The following OSBP2 variants were observed in gnomAD, a reference collection of about 807,000 sequenced individuals.
The protein encoded by OSBP2 is oxysterol-binding protein 2.
Under a neutral mutation model 96.0 loss-of-function variants are expected in OSBP2, and 66 were observed. The ratio of observed to expected loss-of-function variants is 0.69; its 90% CI spans 0.56 to 0.84. The LOEUF (loss-of-function observed/expected upper bound fraction) is 0.84, where lower values mean the gene tolerates loss of function less well. Ranked by LOEUF, OSBP2 falls within the 40% of genes least tolerant of loss-of-function variation. The pLI is 0.00. For synonymous variants in OSBP2, 525 were observed against 520.9 expected (o/e 1.01, Z -0.11); for missense variants, 1,038 against 1,222.7 (o/e 0.85, Z 2.25).
At chr22:30,699,966 CTT>C (rs1015256785) in intron 1 of OSBP2, among the ~76,000 whole-genome samples, 18 of 140,986 alleles carry the variant, frequency 1.3e-4, no homozygotes, top group Admixed American at 2.1e-4. Flanking sequence ...TTCTTTTTTT[CTT>C]TTTTTTTTTT....
At chr22:30,722,737 C>T (rs556470953) in intron 1 of OSBP2, among the ~76,000 whole-genome samples, 1 of 144,364 alleles carries the variant, frequency 6.9e-6, no homozygotes, top group East Asian at 2.0e-4. Flanking sequence ...CTTTCTCCTT[C>T]CTTCTCTTTC....
chr22:30,773,272 C>T (rs1191008704), intron 2 of OSBP2: 2 of 150,716 alleles, frequency 1.3e-5, no homozygotes, highest in Non-Finnish European at 2.9e-5. Flanking sequence ...GAACTCCTGA[C>T]CTCAGGTGAT....
chr22:30,896,649 T>A (rs1386205523), intron 12 of OSBP2, among the ~76,000 whole-genome samples: 1 of 146,778 alleles, frequency 6.8e-6, no homozygotes, highest in Admixed American at 6.8e-5. Context: ...CAAACTGGAT[T>A]TTTTTTTTTT....
intron 12 of OSBP2, among the ~76,000 whole-genome samples, chr22:30,897,910 A>G (rs1003649869): frequency 1.1e-4 from 17 of 151,198 alleles, no homozygotes; most frequent in African/African-American, 4.1e-4. Context: ...AGATCGTGCC[A>G]CTGTACTCTA....
chr22:30,737,378 C>T (rs136355), intron 1 of OSBP2, among the ~76,000 whole-genome samples: 107,604 of 145,566 alleles, frequency 0.74, 40,447 homozygotes, highest in African/African-American at 0.88. Context: ...GGCTGGAATG[C>T]AGTGGCATGA....
intron 2 of OSBP2, among the ~76,000 whole-genome samples, chr22:30,853,659 T>G (rs2147065864): frequency 6.6e-6 from 1 of 152,304 alleles, no homozygotes; most frequent in Non-Finnish European, 1.5e-5. Context: ...TTAAATCTAT[T>G]TTGCTGTTTT....
rs2040005287 is a variant in OSBP2, at chr22:30,893,705, G to C, written c.2162G>C (p.Ser721Thr). 7 of 1,614,048 alleles carry C rather than the reference G, an allele frequency of 4.3e-6. No homozygotes were observed. The highest frequency in any genetic ancestry group is 5.9e-6 in the Non-Finnish European group (7 of 1,180,034). ...TGCCAGCTGAAGTTCCTGCCCTACA[G>C]CTACTTCTCCAAAGAGGCAGCCCGG... is the stretch of plus-strand genomic sequence containing the variant. ...DRCQLKFLPYSYFSKEAARKV... is the reference protein window; with the variant it reads ...DRCQLKFLPYTYFSKEAARKV... The change falls in exon 11 of 14, where the codon AGC becomes ACC. Residue 721 changes from serine (S) to threonine (T), a missense_variant. Ser to Thr is a moderately conservative substitution (Grantham distance 58). Transcript: ENST00000332585.
intron 2 of OSBP2, among the ~76,000 whole-genome samples, chr22:30,840,693 A>G (rs1185890790): frequency 6.6e-6 from 1 of 152,220 alleles, no homozygotes; most frequent in Non-Finnish European, 1.5e-5. Flanking sequence ...GGCACAAAGT[A>G]AATGCTTAAT....
At chr22:30,788,316 T>G (rs1268829522) in intron 2 of OSBP2, among the ~76,000 whole-genome samples, 5 of 152,160 alleles carry the variant, frequency 3.3e-5, no homozygotes, top group Admixed American at 1.3e-4. Context: ...TTAATCATTC[T>G]GCAGTTGCTG....
intron 2 of OSBP2, among the ~76,000 whole-genome samples, chr22:30,860,831 C>T (rs374890926): frequency 4.5e-4 from 69 of 152,326 alleles, no homozygotes; most frequent in African/African-American, 1.6e-3. Flanking sequence ...AGCATCATGG[C>T]GGTTGCCAGA....
At chr22:30,853,160 T>C (rs2039007951) in intron 2 of OSBP2, among the ~76,000 whole-genome samples, 1 of 152,222 alleles carries the variant, frequency 6.6e-6, no homozygotes, top group Non-Finnish European at 1.5e-5. Flanking sequence ...AAGATTGATG[T>C]GTTCTAAATC....
intron 2 of OSBP2, among the ~76,000 whole-genome samples, chr22:30,864,116 G>A (rs895059526): frequency 6.6e-6 from 1 of 152,014 alleles, no homozygotes; most frequent in Non-Finnish European, 1.5e-5. Context: ...GATTACAGGT[G>A]CCCACCACCA....
chr22:30,799,962 C>A (rs968884624), intron 2 of OSBP2, among the ~76,000 whole-genome samples: 1 of 152,212 alleles, frequency 6.6e-6, no homozygotes, highest in African/African-American at 2.4e-5. Context: ...AAATTTTTAG[C>A]AACCTAGAGC....
intron 2 of OSBP2, among the ~76,000 whole-genome samples, chr22:30,840,305 TAA>T (rs71202016): frequency 5.3e-4 from 75 of 140,908 alleles, no homozygotes; most frequent in African/African-American, 1.5e-3. Context: ...ATAAACCTGT[TAA>T]AAAAAAAAAG....
intron 2 of OSBP2, among the ~76,000 whole-genome samples, chr22:30,858,378 C>T (rs1023637237): frequency 5.8e-4 from 87 of 150,954 alleles, no homozygotes; most frequent in African/African-American, 1.9e-3. Context: ...GATCTCCTGA[C>T]CTCATGATCC....
intron 2 of OSBP2, among the ~76,000 whole-genome samples, chr22:30,865,501 G>A (rs5753358): frequency 0.25 from 37,313 of 151,592 alleles, 5,046 homozygotes; most frequent in East Asian, 0.4. Context: ...GTGTTGTGAC[G>A]CATGCCTGTA....
At chr22:30,877,100 G>A (rs1240635331) in intron 3 of OSBP2, among the ~76,000 whole-genome samples, 1 of 152,028 alleles carries the variant, frequency 6.6e-6, no homozygotes, top group Non-Finnish European at 1.5e-5. Flanking sequence ...CCGTAGCCCT[G>A]TAGCCTCTAT....
chr22:30,769,263 CCTCT>C (rs1335672535), intron 2 of OSBP2, among the ~76,000 whole-genome samples: 1 of 152,202 alleles, frequency 6.6e-6, no homozygotes, highest in Admixed American at 6.5e-5. Flanking sequence ...AGGCCCTCTC[CCTCT>C]CTAAGCTCCA....
intron 2 of OSBP2, among the ~76,000 whole-genome samples, chr22:30,757,895 T>C (rs1344296552): frequency 6.6e-6 from 1 of 152,136 alleles, no homozygotes; most frequent in Admixed American, 6.5e-5. Context: ...CCCTCCCTGA[T>C]CCCTCATGTG....
Sources: gnomAD v4.1 joint callset for allele counts (sites outside exome capture counted in the v4.1 genomes callset) on GRCh38, gnomAD v4.1.1 for gene constraint, MANE v1.5 for transcripts, NCBI Gene and HGNC (gene_info 2026-07-23, HGNC 2026-07-21) for gene names.